COP1: variants seen among roughly 807,000 people sequenced by gnomAD.
The protein encoded by COP1 is E3 ubiquitin-protein ligase COP1.
In COP1, 24 loss-of-function variants were observed where a neutral mutation model predicts 101.3. That is an observed-to-expected ratio of 0.24 (90% CI 0.17 to 0.33). The LOEUF is 0.33. Ranked by LOEUF, COP1 falls within the 10% of genes least tolerant of loss-of-function variation. The pLI, the probability that COP1 is intolerant of heterozygous loss-of-function variation, is 1.00. For synonymous variants in COP1, 347 were observed against 341.9 expected (o/e 1.01, Z -0.17); for missense variants, 663 against 906.2 (o/e 0.73, Z 3.45).
chr1:176,051,349 T>C (rs1472286394), intron 11 of COP1, among the ~76,000 whole-genome samples: 1 of 152,156 alleles, frequency 6.6e-6, no homozygotes, highest in Non-Finnish European at 1.5e-5. Flanking sequence ...TCCCACAAAT[T>C]ATAATGAAGC....
At chr1:175,987,212 G>A in intron 17 of COP1, 109 bp from the exon 18 acceptor site, 1 of 553,834 alleles carries the variant, frequency 1.8e-6, no homozygotes, top group Non-Finnish European at 3.0e-6. Flanking sequence ...GATCTTTTAT[G>A]GGCAAATTTG....
chr1:176,081,146 A>G lies in COP1; in HGVS notation c.1277+6T>C. 6.3e-7 allele frequency: 1 copy of G among 1,593,564 alleles called. No homozygotes were observed. Among genetic ancestry groups the G allele is most frequent in the Non-Finnish European group, 8.6e-7 (1 of 1,168,608 alleles). On this transcript the variant is annotated splice_donor_region_variant and intron_variant, in intron 11 of 19. Coordinates refer to ENST00000367669, the MANE Select transcript of COP1 (RefSeq NM_022457.7). ...AAAAGAAAATAGTAATTTGACCAAT[A>G]CTTACCTAGAGACTATACTGGAACC...
At chr1:176,067,099 G>A (rs1335973325) in intron 11 of COP1, among the ~76,000 whole-genome samples, 14 of 152,080 alleles carry the variant, frequency 9.2e-5, no homozygotes, top group Admixed American at 8.5e-4. Flanking sequence ...TATTATAATG[G>A]TAGATATATG....
rs537194134 is a variant in COP1 at position 176,155,391 on chromosome 1, CAT to C, written c.763-6319_763-6318del. Among the ~76,000 whole-genome samples, 398 of 151,702 alleles carry C rather than the reference CAT, an allele frequency of 2.6e-3. 3 individuals carry two copies. The highest frequency in any genetic ancestry group is 9.2e-3 in the African/African-American group (380 of 41,416). On this transcript the variant is annotated intron_variant, in intron 5 of 19. Coordinates refer to ENST00000367669, the MANE Select transcript of COP1 (RefSeq NM_022457.7). ...TCGATGAAATTAAGAGCAAAGCAGA[CAT>C]AGCAGAGGAAAGGAATAACAAACTC...
chr1:175,962,677 C>T (rs1287799055), intron 18 of COP1, among the ~76,000 whole-genome samples: 1 of 152,098 alleles, frequency 6.6e-6, no homozygotes, highest in Non-Finnish European at 1.5e-5. Flanking sequence ...ATTTCACAGA[C>T]CTAGCCAGAG....
intron 14 of COP1, among the ~76,000 whole-genome samples, chr1:176,033,855 A>G (rs933856250): frequency 3.3e-5 from 5 of 152,246 alleles, no homozygotes; most frequent in Admixed American, 6.5e-5. Flanking sequence ...AATATAGAAA[A>G]TAAGCAAAAT....
intron 15 of COP1, among the ~76,000 whole-genome samples, chr1:175,992,309 G>C (rs547244746): frequency 4.6e-5 from 7 of 152,346 alleles, no homozygotes; most frequent in Middle Eastern, 3.4e-3. Flanking sequence ...ACAGCTCCCA[G>C]AGTGAGCGAC....
intron 6 of COP1, among the ~76,000 whole-genome samples, chr1:176,143,347 CA>C (rs1418463094): frequency 6.6e-6 from 1 of 152,112 alleles, no homozygotes; most frequent in African/African-American, 2.4e-5. Context: ...TGTAACTGTT[CA>C]AGTAACAGAT....
intron 15 of COP1, among the ~76,000 whole-genome samples, chr1:176,020,946 A>G (rs1170876260): frequency 6.6e-6 from 1 of 152,186 alleles, no homozygotes; most frequent in Non-Finnish European, 1.5e-5. Flanking sequence ...CTGATATTAC[A>G]TTTTGCCTGC....
intron 11 of COP1, among the ~76,000 whole-genome samples, chr1:176,066,326 C>T (rs778144237): frequency 1.4e-4 from 22 of 152,262 alleles, no homozygotes; most frequent in South Asian, 8.3e-4. Context: ...AGTGTTTGTG[C>T]CTTTTCTCCT....
intron 14 of COP1, among the ~76,000 whole-genome samples, chr1:176,029,349 AC>A (rs1668274223): frequency 6.6e-6 from 1 of 152,228 alleles, no homozygotes; most frequent in Admixed American, 6.5e-5. Context: ...AGCAAAGCTG[AC>A]TAAGCAAAAT....
At chr1:176,131,815 C>T (rs919207055) in intron 8 of COP1, among the ~76,000 whole-genome samples, 2 of 151,800 alleles carry the variant, frequency 1.3e-5, no homozygotes, top group Non-Finnish European at 2.9e-5. Context: ...TTCCCAAGTG[C>T]CTCTCTCAAT....
chr1:176,150,821 G>A (rs1209268973), intron 5 of COP1, among the ~76,000 whole-genome samples: 1 of 152,130 alleles, frequency 6.6e-6, no homozygotes, highest in African/African-American at 2.4e-5. Flanking sequence ...AAAGGAAAGT[G>A]GGTCCAACTA....
At chr1:176,039,892 T>C (rs1400520306) in intron 14 of COP1, among the ~76,000 whole-genome samples, 1 of 152,158 alleles carries the variant, frequency 6.6e-6, no homozygotes, top group African/African-American at 2.4e-5. Context: ...GTTAACATCA[T>C]ATTACAAAAA....
At chr1:176,053,314 C>T (rs996688024) in intron 11 of COP1, among the ~76,000 whole-genome samples, 2 of 152,112 alleles carry the variant, frequency 1.3e-5, no homozygotes, top group African/African-American at 2.4e-5. Context: ...ATAGCTTCTT[C>T]GTCATTTTTC....
chr1:176,139,303 A>C (rs1690302195), intron 6 of COP1, among the ~76,000 whole-genome samples: 1 of 149,866 alleles, frequency 6.7e-6, no homozygotes, highest in Non-Finnish European at 1.5e-5. Context: ...AAAAAAAACA[A>C]AAAAAGAGAT....
intron 6 of COP1, among the ~76,000 whole-genome samples, chr1:176,138,050 A>T (rs1690081637): frequency 6.6e-6 from 1 of 152,142 alleles, no homozygotes; most frequent in Non-Finnish European, 1.5e-5. Flanking sequence ...GGGTAAGAAG[A>T]GGACTAGATA....
chr1:176,116,628 G>A lies in COP1; in HGVS notation c.1022C>T (p.Ser341Phe). 2 of 1,607,796 alleles carry A rather than the reference G, an allele frequency of 1.2e-6. No homozygotes were observed. The highest frequency in any genetic ancestry group is 1.7e-6 in the Non-Finnish European group (2 of 1,174,900). ...GCAAACAAAGATATCGTTTACCTGAGAACTGCCACTGAAACCTGGAGGTTG... is the reference window on the plus strand; with the variant it reads ...GCAAACAAAGATATCGTTTACCTGAAAACTGCCACTGAAACCTGGAGGTTG... ...YSQPPGFSGSSQTKKQPWYNS... is the reference protein window; with the variant it reads ...YSQPPGFSGSFQTKKQPWYNS... Residue 341 changes from serine (S) to phenylalanine (F), a missense_variant, in exon 9 of 20, where the codon TCT (serine) becomes TTT (phenylalanine). Ser to Phe is a radical substitution (Grantham distance 155, BLOSUM62 -2). Coordinates refer to ENST00000367669, the MANE Select transcript of COP1 (RefSeq NM_022457.7).
intron 1 of COP1, among the ~76,000 whole-genome samples, chr1:176,190,732 G>A (rs1432071576): frequency 6.6e-6 from 1 of 151,806 alleles, no homozygotes; most frequent in Non-Finnish European, 1.5e-5. Context: ...AACTTATTAA[G>A]TGAATTTAAT....
Sources: allele counts gnomAD v4.1 joint callset (sites outside exome capture counted in the v4.1 genomes callset), GRCh38; gene constraint gnomAD v4.1.1; transcripts MANE v1.5; gene names NCBI Gene and HGNC (gene_info 2026-07-23, HGNC 2026-07-21).